Variants in INVS observed in about 807,000 individuals in gnomAD.
INVS encodes inversin, also known as inversion of embryo turning homolog.
In INVS, 86 loss-of-function variants were observed where a neutral mutation model predicts 108.8. The ratio of observed to expected loss-of-function variants is 0.79; its 90% confidence interval spans 0.66 to 0.95. INVS has a LOEUF of 0.95. Ranked by LOEUF, INVS falls within the 40% of genes least tolerant of loss-of-function variation. INVS has a pLI of 0.00. For missense variants in INVS, 1,169 were observed against 1,297.4 expected, an observed-to-expected ratio of 0.90 and a Z score of 1.52; for synonymous variants, 455 against 473.5, an observed-to-expected ratio of 0.96 and a Z score of 0.51.
rs1402865188 is a variant in INVS, at chr9:100,163,185, T to TG, written c.273+36636_273+36637insG. Among the ~76,000 whole-genome samples, 22 of 100,820 alleles carry TG rather than the reference T, an allele frequency of 2.2e-4. No individual in the cohort carries two copies. The East Asian group carries it at 9.5e-3, about 43-fold the overall frequency. The allele number at this position is 100,820 out of a possible 152,430, so 66.1% of individuals were successfully genotyped here. A position where few individuals can be genotyped will look rare whatever the true frequency, so the allele number is the denominator to read the frequency against. On this transcript the variant is annotated intron_variant, in intron 3 of 16. Transcript: ENST00000262457. ...TTTTACCCTAACTTGATGTTCTTTC[T>TG]ATTTTTTTTTTTTTTTTTTTAGCAA...
intron 3 of INVS, among the ~76,000 whole-genome samples, chr9:100,223,448 TTTC>T (rs1202239397): frequency 6.6e-6 from 1 of 152,188 alleles, no homozygotes; most frequent in African/African-American, 2.4e-5. Context: ...AGATATTTCA[TTTC>T]TTCTTATTTA....
At chr9:100,124,072 A>C (rs1291926513) in intron 2 of INVS, among the ~76,000 whole-genome samples, 1 of 151,986 alleles carries the variant, frequency 6.6e-6, no homozygotes, top group Non-Finnish European at 1.5e-5. Flanking sequence ...GCCTCCCAAA[A>C]TGTTGGGATT....
At chr9:100,284,238 CT>C (rs1833362883) in intron 12 of INVS, 81 bp from the exon 13 acceptor site, 1 of 1,536,846 alleles carries the variant, frequency 6.5e-7, no homozygotes, top group African/African-American at 1.4e-5. Flanking sequence ...AGTAGCTCCT[CT>C]TAAAATTTAA....
chr9:100,301,259 A>T lies in INVS; in HGVS notation c.*585A>T, dbSNP rs753406276. Among the ~76,000 whole-genome samples, 8 of 152,032 alleles carry T rather than the reference A, an allele frequency of 5.3e-5. No individual in the cohort carries two copies. Among genetic ancestry groups the T allele is most frequent in the Non-Finnish European group, 1.0e-4 (7 of 68,000 alleles). On this transcript the variant is annotated 3_prime_UTR_variant, in exon 17 of 17. Coordinates refer to ENST00000262457, the MANE Select transcript of INVS (RefSeq NM_014425.5). Reference sequence around the variant, plus strand: ...TCATTGCCCACTGTTTTCATTTAGAAATTGTCCAAAAGACCATAGATACAT... The same window carrying T: ...TCATTGCCCACTGTTTTCATTTAGATATTGTCCAAAAGACCATAGATACAT...
intron 11 of INVS, among the ~76,000 whole-genome samples, chr9:100,272,655 G>T (rs1274819752): frequency 6.6e-6 from 1 of 152,132 alleles, no homozygotes; most frequent in Non-Finnish European, 1.5e-5. Flanking sequence ...GCAGCACAAA[G>T]CACCTGACCC....
At chr9:100,300,009 T>G (rs1833916495) in intron 16 of INVS, among the ~76,000 whole-genome samples, 1 of 152,238 alleles carries the variant, frequency 6.6e-6, no homozygotes, top group South Asian at 2.1e-4. Context: ...AATATAGCAA[T>G]GTCTTCAGCA....
intron 7 of INVS, among the ~76,000 whole-genome samples, chr9:100,245,579 C>T (rs1832019891): frequency 1.3e-5 from 2 of 152,106 alleles, no homozygotes; most frequent in South Asian, 4.2e-4. Flanking sequence ...TGCGCCCGGC[C>T]CAGTCCTAAT....
intron 10 of INVS, among the ~76,000 whole-genome samples, chr9:100,264,508 C>T (rs537804102): frequency 6.6e-6 from 1 of 151,764 alleles, no homozygotes; most frequent in East Asian, 1.9e-4. Context: ...ATCCCAGCTA[C>T]TTGGGAGGCT....
At chr9:100,251,229 A>T (rs1402426440) in intron 8 of INVS, among the ~76,000 whole-genome samples, 2 of 151,910 alleles carry the variant, frequency 1.3e-5, no homozygotes, top group African/African-American at 4.8e-5. Context: ...TATCTATTGT[A>T]TTCTTTGCTA....
At chr9:100,276,305 C>T (rs930119596) in intron 12 of INVS, among the ~76,000 whole-genome samples, 1 of 152,190 alleles carries the variant, frequency 6.6e-6, no homozygotes, top group African/African-American at 2.4e-5. Context: ...GATCATTGGA[C>T]GTTTCCATTT....
At chr9:100,246,156 AAAAAAAGAAAAAG>A (rs1029387227) in intron 7 of INVS, among the ~76,000 whole-genome samples, 33 of 152,116 alleles carry the variant, frequency 2.2e-4, no homozygotes, top group Admixed American at 1.7e-3. Context: ...CCCTCTCAAA[AAAAAAAGAAAAAG>A]AAAAAAGAAA....
chr9:100,216,265 G>A (rs1328350519), intron 3 of INVS, among the ~76,000 whole-genome samples: 6 of 152,166 alleles, frequency 3.9e-5, no homozygotes, highest in Admixed American at 3.9e-4. Flanking sequence ...GCTAGTCTTT[G>A]GGAGTATTGC....
At chr9:100,215,799 G>C (rs1174011401) in intron 3 of INVS, among the ~76,000 whole-genome samples, 2 of 152,220 alleles carry the variant, frequency 1.3e-5, no homozygotes, top group Non-Finnish European at 2.9e-5. Flanking sequence ...AAGAGGAGGT[G>C]ACAGAGGTCC....
chr9:100,115,854 C>A (rs1827502447), intron 2 of INVS, among the ~76,000 whole-genome samples: 1 of 152,140 alleles, frequency 6.6e-6, no homozygotes, highest in Non-Finnish European at 1.5e-5. Context: ...AGTTCTAGAT[C>A]CCTCAGGAAT....
intron 2 of INVS, among the ~76,000 whole-genome samples, chr9:100,105,204 AAAAAAT>A (rs1827133621): frequency 6.6e-6 from 1 of 152,226 alleles, no homozygotes; most frequent in Non-Finnish European, 1.5e-5. Context: ...CCCAAAGAGA[AAAAAAT>A]AAAAATATAT....
At chr9:100,124,590 G>T (rs1475677390) in intron 2 of INVS, among the ~76,000 whole-genome samples, 1 of 148,196 alleles carries the variant, frequency 6.7e-6, no homozygotes, top group East Asian at 2.0e-4. Flanking sequence ...AGTCTATTAT[G>T]TTTCTCACAT....
chr9:100,274,170 CA>C (rs1176127881), intron 12 of INVS, among the ~76,000 whole-genome samples: 1 of 151,878 alleles, frequency 6.6e-6, no homozygotes, highest in Non-Finnish European at 1.5e-5. Context: ...CCAGACTGGC[CA>C]AAATGGTGAA....
chr9:100,174,607 ATAAGATAAATACAAAGAAAATC>A (rs1323075209), intron 3 of INVS, among the ~76,000 whole-genome samples: 1 of 152,142 alleles, frequency 6.6e-6, no homozygotes, highest in East Asian at 1.9e-4. Flanking sequence ...ATGAACTCCA[ATAAGATAAATACAAAGAAAATC>A]TTGGCCAGGC....
chr9:100,242,531 C>T, intron 6 of INVS, 39 bp from the exon 7 acceptor site: 2 of 1,030,258 alleles, frequency 1.9e-6, no homozygotes, highest in South Asian at 1.3e-5. Flanking sequence ...AATTAACATC[C>T]TTTATAAGTG....
Sources: gnomAD v4.1 joint callset for allele counts (sites outside exome capture counted in the v4.1 genomes callset) on GRCh38, gnomAD v4.1.1 for gene constraint, MANE v1.5 for transcripts, NCBI Gene and HGNC (gene_info 2026-07-23, HGNC 2026-07-21) for gene names.